OR3A2: variants seen among roughly 807,000 people sequenced by gnomAD.
The protein encoded by OR3A2 is olfactory receptor family 3 subfamily A member 2.
For synonymous variants in OR3A2, 126 were observed against 159.3 expected (o/e 0.79, Z 1.57); for missense variants, 318 against 392.8 (o/e 0.81, Z 1.61).
intron 3 of OR3A2, among the ~76,000 whole-genome samples, chr17:3,290,091 C>T (rs1004606269): frequency 2.0e-5 from 3 of 152,038 alleles, no homozygotes; most frequent in Non-Finnish European, 2.9e-5. Context: ...AAAGAGAAAA[C>T]GAGTCCTTGG....
rs568284009 is a variant in OR3A2, at chr17:3,311,606, C to A, written c.-85+24427G>T. ...GGGCAGCTGCTGCTTGTGGGGGCCA[C>A]CTTCATAGGAGTGATCCCCATGATC... On this transcript the variant is annotated intron_variant, in intron 3 of 4. Transcript: ENST00000573491. This position sits in a 1 kb window ranked among gnomAD's most constrained non-coding sequence, Gnocchi z 4.6. The A allele has an allele frequency of 2.0e-5, 8 of 395,220 alleles. No homozygotes were observed. Among genetic ancestry groups the A allele is most frequent in the African/African-American group, 1.5e-4 (7 of 47,934 alleles). 24.5% of individuals were successfully genotyped at this position (395,220 alleles called of 1,614,324 possible).
At chr17:3,307,486 G>A (rs1038051027) in intron 3 of OR3A2, among the ~76,000 whole-genome samples, 2 of 152,222 alleles carry the variant, frequency 1.3e-5, no homozygotes, top group African/African-American at 4.8e-5. Flanking sequence ...GAGAGTCAGT[G>A]AGAATGCTTA....
chr17:3,321,488 C>T (rs1242941991), intron 3 of OR3A2, among the ~76,000 whole-genome samples: 47 of 151,160 alleles, frequency 3.1e-4, no homozygotes, highest in African/African-American at 1.0e-3. Flanking sequence ...CCAGTTTTTG[C>T]CCATTCAGTA....
chr17:3,297,824 T>C (rs73977644), intron 3 of OR3A2, among the ~76,000 whole-genome samples: 2,026 of 152,194 alleles, frequency 0.013, 52 homozygotes, highest in African/African-American at 0.045. Context: ...CTGTAGGAGT[T>C]GGGAAAGGCT....
intron 2 of OR3A2, among the ~76,000 whole-genome samples, chr17:3,348,790 G>C (rs915507027): frequency 9.2e-5 from 14 of 152,264 alleles, no homozygotes; most frequent in Admixed American, 2.6e-4. Context: ...AGAAAGGTCG[G>C]GTTACCCACA....
chr17:3,276,456 AT>A (rs1367061052), downstream of OR3A2, among the ~76,000 whole-genome samples: 1 of 152,228 alleles, frequency 6.6e-6, no homozygotes, highest in African/African-American at 2.4e-5. Context: ...GTGAAGGAAC[AT>A]TTGGATTTTT....
intron 2 of OR3A2, among the ~76,000 whole-genome samples, chr17:3,378,814 G>A (rs1187633074): frequency 6.6e-6 from 1 of 152,194 alleles, no homozygotes; most frequent in Non-Finnish European, 1.5e-5. Context: ...CACAGGTGCA[G>A]TTTCATTTCA....
At chr17:3,307,174 C>T (rs1003863711) in intron 3 of OR3A2, among the ~76,000 whole-genome samples, 1 of 152,126 alleles carries the variant, frequency 6.6e-6, no homozygotes, top group Non-Finnish European at 1.5e-5. Flanking sequence ...CTAGCCTGGC[C>T]CCAGGGACTC....
At chr17:3,352,715 T>G (rs2150654705) in intron 2 of OR3A2, among the ~76,000 whole-genome samples, 1 of 152,224 alleles carries the variant, frequency 6.6e-6, no homozygotes, top group South Asian at 2.1e-4. Flanking sequence ...TGCTTCAGGA[T>G]AGCTTTGGCT....
chr17:3,357,694 A>T (rs951965014), intron 2 of OR3A2, among the ~76,000 whole-genome samples: 3 of 151,426 alleles, frequency 2.0e-5, no homozygotes, highest in African/African-American at 7.3e-5. Context: ...TACACTTAAA[A>T]ATGGTTAAAA....
At chr17:3,380,781 C>G (rs1406890367) in intron 2 of OR3A2, among the ~76,000 whole-genome samples, 1 of 152,140 alleles carries the variant, frequency 6.6e-6, no homozygotes, top group African/African-American at 2.4e-5. Flanking sequence ...GGATAGAAAC[C>G]CCCAGGCCTG....
At chr17:3,314,251 T>C (rs1474106014) in intron 3 of OR3A2, among the ~76,000 whole-genome samples, 3 of 152,158 alleles carry the variant, frequency 2.0e-5, no homozygotes, top group Non-Finnish European at 2.9e-5. Context: ...ATCCAAAGAC[T>C]TGGGAAAGCA....
At chr17:3,279,469 T>C (rs942681592) in intron 1 of OR3A2, among the ~76,000 whole-genome samples, 3 of 152,180 alleles carry the variant, frequency 2.0e-5, no homozygotes, top group African/African-American at 7.2e-5. Flanking sequence ...GGTTTCAAAA[T>C]AGAAATCCAG....
chr17:3,384,205 T>C (rs1449714326), intron 1 of OR3A2, among the ~76,000 whole-genome samples: 3 of 152,124 alleles, frequency 2.0e-5, no homozygotes, highest in Non-Finnish European at 4.4e-5. Context: ...CTAGAAACCT[T>C]GGAGCAATGG....
chr17:3,299,012 T>A (rs1336069971), intron 3 of OR3A2, among the ~76,000 whole-genome samples: 3 of 152,184 alleles, frequency 2.0e-5, no homozygotes, highest in Non-Finnish European at 4.4e-5. Flanking sequence ...CTTTTGATTT[T>A]CTCAAAGAGG....
At chr17:3,323,720 G>T (rs9914330) in intron 3 of OR3A2, among the ~76,000 whole-genome samples, 22,757 of 152,030 alleles carry the variant, frequency 0.15, 2,316 homozygotes, top group African/African-American at 0.28. Flanking sequence ...TTTCTGCTGA[G>T]AGATCAGCTG....
intron 3 of OR3A2, chr17:3,310,887 T>A (rs231678): frequency 9.7e-6 from 9 of 930,554 alleles, no homozygotes; most frequent in Middle Eastern, 2.5e-4. Flanking sequence ...GCTCTCCTGC[T>A]CCAGTGTTCA....
chr17:3,375,355 T>A (rs1159057971), intron 2 of OR3A2, among the ~76,000 whole-genome samples: 2 of 147,466 alleles, frequency 1.4e-5, no homozygotes, highest in Non-Finnish European at 3.0e-5. Context: ...CAGGCCTAAG[T>A]GCAGTGCCAC....
intron 2 of OR3A2, among the ~76,000 whole-genome samples, chr17:3,382,778 G>A (rs1348411793): frequency 2.6e-5 from 4 of 152,104 alleles, no homozygotes; most frequent in South Asian, 4.1e-4. Flanking sequence ...AAATCAGCTC[G>A]AATTCCACTT....
Sources: gnomAD v4.1 joint callset for allele counts (sites outside exome capture counted in the v4.1 genomes callset) on GRCh38, gnomAD v4.1.1 for gene constraint, Gnocchi (gnomAD v3.1) non-coding constraint, MANE v1.5 for transcripts, NCBI Gene and HGNC (gene_info 2026-07-23, HGNC 2026-07-21) for gene names.